The following POTEC variants were observed in gnomAD, a reference collection of about 807,000 sequenced individuals.
POTEC encodes the protein POTE ankyrin domain family member C.
Under a neutral mutation model 62.0 loss-of-function variants are expected in POTEC, and 35 were observed. The ratio of observed to expected loss-of-function variants is 0.56; its 90% confidence interval spans 0.43 to 0.75. POTEC has a LOEUF of 0.75. Among genes scored for constraint, POTEC ranks in the 30% least tolerant of loss-of-function variants. POTEC has a pLI of 0.00. For missense variants in POTEC, 472 were observed against 655.9 expected (o/e 0.72, Z 3.06); for synonymous variants, 156 against 221.5 (o/e 0.70, Z 2.62).
At chr18:14,519,622 CAGG>C (rs1910256450) in intron 9 of POTEC, among the ~76,000 whole-genome samples, 1 of 152,084 alleles carries the variant, frequency 6.6e-6, no homozygotes, top group African/African-American at 2.4e-5. Context: ...GAGGCTGAAG[CAGG>C]AGAATTGCTT....
At position 14,510,905 on chromosome 18, in the gene POTEC, G is replaced by C. The variant is rs1288870779; in HGVS notation, c.*993C>G. The C allele has an allele frequency of 1.3e-5, 2 of 152,268 alleles. No homozygotes were observed. The highest frequency in any genetic ancestry group is 6.5e-5 in the Admixed American group (1 of 15,284). 9.4% of individuals were successfully genotyped at this position (152,268 alleles called of 1,614,324 possible). A position where few individuals can be genotyped will look rare whatever the true frequency, so the allele number is the denominator to read the frequency against. On this transcript the variant is annotated 3_prime_UTR_variant, in exon 11 of 11. Coordinates refer to ENST00000358970, the MANE Select transcript of POTEC (RefSeq NM_001137671.2). ...GTCTGGTCCTCCCCCTGGGAGCTCT[G>C]ACTCAGGAGGCCTGAAACCTCTGTG...
At chr18:14,525,909 GTTTT>G (rs570935101) in intron 6 of POTEC, among the ~76,000 whole-genome samples, 1 of 149,732 alleles carries the variant, frequency 6.7e-6, no homozygotes, top group African/African-American at 2.5e-5. Context: ...CTTTTTTTTT[GTTTT>G]TTTGTTTGAG....
At chr18:14,536,264 A>G (rs943454198) in intron 3 of POTEC, among the ~76,000 whole-genome samples, 1 of 145,484 alleles carries the variant, frequency 6.9e-6, no homozygotes, top group African/African-American at 2.6e-5. Flanking sequence ...ATTGGAAAGG[A>G]AAGATTTAAA....
At chr18:14,534,314 T>C (rs1186132075) in intron 4 of POTEC, among the ~76,000 whole-genome samples, 2 of 151,200 alleles carry the variant, frequency 1.3e-5, no homozygotes, top group African/African-American at 4.9e-5. Flanking sequence ...CCTCTCTCCA[T>C]ACCAACTAAA....
chr18:14,530,599 T>C (rs1215953076), intron 5 of POTEC, 46 bp from the exon 6 acceptor site: 1 of 1,344,562 alleles, frequency 7.4e-7, no homozygotes, highest in East Asian at 2.6e-5. Flanking sequence ...TTAATACTGA[T>C]ATAAAAAATA....
chr18:14,542,599 G>C (rs770511215), intron 1 of POTEC, 27 bp downstream of exon 1: 1 of 1,611,694 alleles, frequency 6.2e-7, no homozygotes, highest in Admixed American at 1.7e-5. Context: ...CCCATGTCCC[G>C]CCTCCTCCCA....
At chr18:14,524,847 A>G in intron 7 of POTEC, 66 bp downstream of exon 7, 2 of 1,567,282 alleles carry the variant, frequency 1.3e-6, no homozygotes, top group Non-Finnish European at 8.7e-7. Context: ...CATTTGGACT[A>G]TCTAATATCG....
intron 9 of POTEC, among the ~76,000 whole-genome samples, chr18:14,521,439 G>C (rs1248309955): frequency 1.3e-5 from 2 of 152,104 alleles, no homozygotes; most frequent in African/African-American, 2.4e-5. Context: ...TGAAAATTGA[G>C]CTATTTCCTA....
chr18:14,523,702 CTA>C (rs1237731537), intron 7 of POTEC, among the ~76,000 whole-genome samples, 195 bp from the exon 8 acceptor site: 5 of 151,932 alleles, frequency 3.3e-5, no homozygotes, highest in African/African-American at 1.2e-4. Flanking sequence ...ACTTTTTAAT[CTA>C]TGTTTAGCTA....
rs982257404 is a variant in POTEC at position 14,522,563 on chromosome 18, G to C, written c.1243-143C>G. The C allele has an allele frequency of 4.0e-4, 517 of 1,298,178 alleles. 1 individual carries two copies. The highest frequency in any genetic ancestry group is 5.1e-4 in the Non-Finnish European group (488 of 960,100). 80.4% of individuals were successfully genotyped at this position (1,298,178 alleles called of 1,614,324 possible). A position where few individuals can be genotyped will look rare whatever the true frequency, so the allele number is the denominator to read the frequency against. ...ACACTTAAATTTGATCATATATACA[G>C]AACTATTACCGTATAATTTTAAGAT... is the stretch of plus-strand genomic sequence containing the variant. On this transcript the variant is annotated intron_variant, in intron 8 of 10. Coordinates refer to ENST00000358970, the MANE Select transcript of POTEC (RefSeq NM_001137671.2).
In POTEC at chr18:14,543,000, G is replaced by T. The variant is rs528364508; in HGVS notation, c.147C>A (p.His49Gln). Residue 49 changes from histidine (H) to glutamine (Q), a missense_variant, in exon 1 of 11, where the codon CAC (histidine) becomes CAA (glutamine). By Grantham distance (24) the His-to-Gln change is conservative. Coordinates refer to ENST00000358970, the MANE Select transcript of POTEC (RefSeq NM_001137671.2). ...TGAGCATCTTCATAAAGGAGTCGTC[G>T]TGGTCTCCAGAAGTGCCCATGTTGC... is the stretch of plus-strand genomic sequence containing the variant. Reference protein sequence around the residue: ...GKSNMGTSGDHDDSFMKMLRS... With the variant: ...GKSNMGTSGDQDDSFMKMLRS... 19 of 1,611,878 alleles carry T rather than the reference G, an allele frequency of 1.2e-5. No individual in the cohort carries two copies. The South Asian group carries it at 1.2e-4, about 10-fold the overall frequency.
rs561822318 is a variant in POTEC, at chr18:14,517,437, T to C, written c.1410-3652A>G. On this transcript the variant is annotated intron_variant, in intron 9 of 10. Coordinates refer to ENST00000358970, the MANE Select transcript of POTEC (RefSeq NM_001137671.2). ...ATCAGAATAGACAGTGCCTGACCAG[T>C]ATTCCTCTTACTATAGGAAGCAAAA... Among the ~76,000 whole-genome samples, 3 of 152,314 alleles carry C rather than the reference T, an allele frequency of 2.0e-5. No homozygotes were observed. The East Asian group carries it at 5.8e-4, about 29-fold the overall frequency.
intron 4 of POTEC, among the ~76,000 whole-genome samples, chr18:14,533,729 C>G (rs957538600): frequency 2.0e-5 from 3 of 152,144 alleles, no homozygotes; most frequent in Non-Finnish European, 2.9e-5. Flanking sequence ...GCACAGCCAA[C>G]TTTGAAGGAT....
At chr18:14,514,737 T>C (rs934126686) in intron 9 of POTEC, among the ~76,000 whole-genome samples, 5 of 151,968 alleles carry the variant, frequency 3.3e-5, no homozygotes, top group African/African-American at 1.2e-4. Context: ...ATAAAGGGCA[T>C]CCAAATTGGA....
Position 14,511,456 on chromosome 18 carries a change from T to G in POTEC, c.*442A>C, listed in dbSNP as rs1364889805. ...TTCTCTCAGAATTTATCCTGTGTGA[T>G]GGAGCTTAATTTTTAGGTTGTTAAT... is the stretch of plus-strand genomic sequence containing the variant. On this transcript the variant is annotated 3_prime_UTR_variant, in exon 11 of 11. Coordinates refer to ENST00000358970, the MANE Select transcript of POTEC (RefSeq NM_001137671.2). 3.3e-6 allele frequency: 1 copy of G among 300,332 alleles called. No individual in the cohort carries two copies. The highest frequency in any genetic ancestry group is 9.4e-5 in the East Asian group (1 of 10,604). 18.6% of individuals were successfully genotyped at this position (300,332 alleles called of 1,614,324 possible).
chr18:14,538,067 A>G, intron 2 of POTEC, 68 bp downstream of exon 2: 3 of 1,522,684 alleles, frequency 2.0e-6, no homozygotes. Context: ...TTAAATGAGA[A>G]AACTCATTTT....
chr18:14,541,171 G>A (rs1008889103), intron 1 of POTEC, among the ~76,000 whole-genome samples: 10 of 152,144 alleles, frequency 6.6e-5, no homozygotes, highest in Non-Finnish European at 1.2e-4. Flanking sequence ...TTACAGGCAT[G>A]AGCCACCATG....
chr18:14,517,081 A>T (rs1415981539), intron 9 of POTEC, among the ~76,000 whole-genome samples: 3 of 149,166 alleles, frequency 2.0e-5, no homozygotes, highest in Non-Finnish European at 4.4e-5. Context: ...ATACAGAGAA[A>T]TATGTATTTT....
At chr18:14,512,493 A>G (rs1385252823) in intron 10 of POTEC, among the ~76,000 whole-genome samples, 2 of 152,236 alleles carry the variant, frequency 1.3e-5, no homozygotes, top group African/African-American at 4.8e-5. Context: ...ACATTTATTC[A>G]TAACTGTTAA....
Sources: allele counts gnomAD v4.1 joint callset (sites outside exome capture counted in the v4.1 genomes callset), GRCh38; gene constraint gnomAD v4.1.1; transcripts MANE v1.5; gene names NCBI Gene and HGNC (gene_info 2026-07-23, HGNC 2026-07-21).